Variants in ANKIB1 observed in about 807,000 individuals in gnomAD.
ANKIB1 encodes the protein ankyrin repeat and IBR domain-containing protein 1.
ANKIB1 carries 43 observed loss-of-function variants against 122.1 expected under a neutral mutation model. The observed-to-expected ratio is 0.35, with a 90% CI of 0.28 to 0.45. The LOEUF (loss-of-function observed/expected upper bound fraction) is 0.45, where lower values mean the gene tolerates loss of function less well. Among genes scored for constraint, ANKIB1 ranks in the 20% least tolerant of loss-of-function variants. The probability of loss-of-function intolerance (pLI) is 1.00; values close to 1 mark genes in which losing one functional copy is unlikely to be tolerated. For synonymous variants in ANKIB1, 390 were observed against 442.0 expected, an observed-to-expected ratio of 0.88 and a Z score of 1.48; for missense variants, 992 against 1,329.5, an observed-to-expected ratio of 0.75 and a Z score of 3.95.
intron 6 of ANKIB1, among the ~76,000 whole-genome samples, chr7:92,344,164 G>A (rs940006073): frequency 6.7e-6 from 1 of 149,404 alleles, no homozygotes; most frequent in African/African-American, 2.5e-5. Flanking sequence ...ATACATAGGT[G>A]GGTTTTTTGT....
At position 92,389,974 on chromosome 7, in the gene ANKIB1, A is replaced by G; in HGVS notation, c.1910A>G (p.Glu637Gly). 6.3e-7 allele frequency: 1 copy of G among 1,587,546 alleles called. No homozygotes were observed. Among genetic ancestry groups the G allele is most frequent in the South Asian group, 1.2e-5 (1 of 83,166 alleles). The change falls in exon 15 of 20, where the codon GAA (glutamate) becomes GGA (glycine). Residue 637 changes from glutamate (E) to glycine (G), a missense_variant. By Grantham distance (98) the Glu-to-Gly change is moderately conservative. Transcript: ENST00000265742. ...CTGTGCCTCAATTACTTTTTAGCTGAAGGAGGCTGTCCAGATACCACTTTC... is the reference window on the plus strand; with the variant it reads ...CTGTGCCTCAATTACTTTTTAGCTGGAGGAGGCTGTCCAGATACCACTTTC... ...EQLSRALKET[E>G]GGCPDTTFIE...
rs569520749 is a variant in ANKIB1, at chr7:92,332,130, A to G, written c.787+4230A>G. 3.2e-4 allele frequency among the ~76,000 whole-genome samples: 48 copies of G among 152,268 alleles called. 2 individuals are homozygous for G. The South Asian group carries it at 9.7e-3, about 31-fold the overall frequency. On this transcript the variant is annotated intron_variant, in intron 5 of 19. Coordinates refer to ENST00000265742, the MANE Select transcript of ANKIB1 (RefSeq NM_019004.2). ...GCATTGTTCTGTATTTCATTCCCCT[A>G]TTAGGGCATAAAATAGAGGATAATT...
In ANKIB1 at chr7:92,301,357, C is replaced by CT. The variant is rs369617319; in HGVS notation, c.189-5991dup. 6.2e-3 allele frequency among the ~76,000 whole-genome samples: 904 copies of CT among 145,804 alleles called. 3 individuals are homozygous for CT. The highest frequency in any genetic ancestry group is 7.7e-3 in the Non-Finnish European group (508 of 65,912). On this transcript the variant is annotated intron_variant, in intron 2 of 19. Transcript: ENST00000265742. ...CTTCCACATTTTTGCCATCACTTACCTTTTTTTTTTTGATAATTGCCATGC... is the reference window on the plus strand; with the variant it reads ...CTTCCACATTTTTGCCATCACTTACCTTTTTTTTTTTTGATAATTGCCATGC...
intron 9 of ANKIB1, among the ~76,000 whole-genome samples, chr7:92,358,053 C>T (rs1350842138): frequency 6.6e-6 from 1 of 152,042 alleles, no homozygotes; most frequent in Non-Finnish European, 1.5e-5. Context: ...TCAGCCTGGC[C>T]AACATGGTGA....
intron 1 of ANKIB1, among the ~76,000 whole-genome samples, chr7:92,270,783 A>G (rs114464989): frequency 1.4e-4 from 18 of 125,940 alleles, no homozygotes; most frequent in African/African-American, 5.5e-4. Flanking sequence ...ATCATATAGT[A>G]TATAGCCCTT....
chr7:92,296,984 A>G (rs763276846), intron 2 of ANKIB1, among the ~76,000 whole-genome samples: 18 of 152,174 alleles, frequency 1.2e-4, no homozygotes, highest in Admixed American at 5.9e-4. Flanking sequence ...TTGAAATTTT[A>G]TATTTTCCCT....
chr7:92,316,353 T>G (rs1303783365), intron 3 of ANKIB1, among the ~76,000 whole-genome samples: 1 of 152,212 alleles, frequency 6.6e-6, no homozygotes, highest in Admixed American at 6.5e-5. Flanking sequence ...CCTTAATGCA[T>G]CTTTTACTTA....
In ANKIB1 at chr7:92,246,384, A is replaced by C. The variant is rs567360195; in HGVS notation, c.-226A>C. The stretch of plus-strand genomic sequence containing the variant: ...GCGGGTGCACCCGGGCCGGCGAGGA[A>C]GGGGCAACCGTCCGGGTGGGTGGGG... On this transcript the variant is annotated 5_prime_UTR_variant, in exon 1 of 20. Transcript: ENST00000265742. The C allele has an allele frequency of 2.6e-5, 12 of 453,306 alleles. No individual in the cohort carries two copies. In the East Asian group the frequency reaches 5.9e-4, roughly 22 times the overall value. 28.1% of individuals were successfully genotyped at this position (453,306 alleles called of 1,614,324 possible). A position where few individuals can be genotyped will look rare whatever the true frequency, so the allele number is the denominator to read the frequency against.
intron 10 of ANKIB1, among the ~76,000 whole-genome samples, chr7:92,370,207 A>T (rs1804204501): frequency 6.6e-6 from 1 of 151,970 alleles, no homozygotes; most frequent in Admixed American, 6.6e-5. Flanking sequence ...TGGGAGGATG[A>T]AGAAAAGTTG....
At chr7:92,275,013 G>T (rs1801872794) in intron 1 of ANKIB1, among the ~76,000 whole-genome samples, 2 of 152,080 alleles carry the variant, frequency 1.3e-5, no homozygotes, top group Non-Finnish European at 2.9e-5. Context: ...AGACTTTTTG[G>T]TGTTCTTTAA....
At chr7:92,364,297 G>A (rs1562793504) in intron 10 of ANKIB1, among the ~76,000 whole-genome samples, 2 of 109,910 alleles carry the variant, frequency 1.8e-5, no homozygotes, top group Non-Finnish European at 3.4e-5. Flanking sequence ...GGATGCCAGA[G>A]CAAGACTCCA....
chr7:92,309,942 A>C (rs2888876), intron 3 of ANKIB1, among the ~76,000 whole-genome samples: 1 of 91,818 alleles, frequency 1.1e-5, no homozygotes, highest in African/African-American at 4.8e-5. Context: ...AAAAAAAAAA[A>C]ATATATATAT....
rs542826136 is a variant in ANKIB1, at chr7:92,391,297, G to A, written c.2184G>A (p.Val728=). The change falls in exon 16 of 20, where the codon GTG becomes GTA. Residue 728 remains valine (V), a synonymous_variant. Transcript: ENST00000265742. ...QQKRQEFLAS[V]ARGVAPADSP... is the part of the protein sequence containing the mutation. ...AGAGGCAAGAATTCCTGGCATCTGT[G>A]GCTCGGGGAGTAGCTCCTGCAGACT... 3.0e-5 allele frequency: 48 copies of A among 1,613,444 alleles called. No homozygotes were observed. The East Asian group carries it at 1.0e-3, about 34-fold the overall frequency.
intron 2 of ANKIB1, among the ~76,000 whole-genome samples, chr7:92,299,684 C>T (rs527750696): frequency 2.0e-5 from 3 of 152,212 alleles, no homozygotes; most frequent in African/African-American, 4.8e-5. Context: ...AAAACAATGC[C>T]GCTCTTTTCA....
At chr7:92,253,376 CTTTTGCCTCTGTGGAACCACAA>C (rs1181100810) in intron 1 of ANKIB1, among the ~76,000 whole-genome samples, 2 of 152,196 alleles carry the variant, frequency 1.3e-5, no homozygotes, top group African/African-American at 4.8e-5. Flanking sequence ...GGCCTGCTGG[CTTTTGCCTCTGTGGAACCACAA>C]CCCTTCACTG....
chr7:92,368,202 A>G (rs1804140095), intron 10 of ANKIB1, among the ~76,000 whole-genome samples: 1 of 151,894 alleles, frequency 6.6e-6, no homozygotes, highest in South Asian at 2.1e-4. Context: ...GCAACTGTTC[A>G]CATGCATACA....
intron 11 of ANKIB1, among the ~76,000 whole-genome samples, chr7:92,376,470 A>T (rs981352483): frequency 2.1e-5 from 3 of 143,520 alleles, no homozygotes; most frequent in Admixed American, 1.4e-4. Flanking sequence ...TTTTTTTGAG[A>T]CAAAGTCTCG....
intron 1 of ANKIB1, among the ~76,000 whole-genome samples, chr7:92,272,270 G>C (rs188452085): frequency 6.4e-4 from 98 of 152,234 alleles, no homozygotes; most frequent in African/African-American, 2.2e-3. Context: ...GGAAGATAAA[G>C]AGAAGATCCG....
intron 1 of ANKIB1, among the ~76,000 whole-genome samples, chr7:92,279,636 A>G (rs781717403): frequency 1.3e-5 from 2 of 152,198 alleles, no homozygotes; most frequent in African/African-American, 2.4e-5. Flanking sequence ...GCTCATGCTG[A>G]GAGGCTGAAA....
Sources: allele counts gnomAD v4.1 joint callset (sites outside exome capture counted in the v4.1 genomes callset), GRCh38; gene constraint gnomAD v4.1.1; transcripts MANE v1.5; gene names NCBI Gene and HGNC (gene_info 2026-07-23, HGNC 2026-07-21).